The following ABLIM1 variants were observed in gnomAD, a reference collection of about 807,000 sequenced individuals.
The protein encoded by ABLIM1 is actin-binding LIM protein 1.
ABLIM1 carries 40 observed loss-of-function variants against 107.0 expected under a neutral mutation model. The ratio of observed to expected loss-of-function variants is 0.37; its 90% CI spans 0.29 to 0.49. The LOEUF is 0.49. ABLIM1 is among the 20% of genes least tolerant of loss of function. The probability of loss-of-function intolerance (pLI) is 0.97; values close to 1 mark genes in which losing one functional copy is unlikely to be tolerated. For synonymous variants in ABLIM1, 357 were observed against 357.3 expected (o/e 1.00, Z 0.01); for missense variants, 857 against 1,008.5 (o/e 0.85, Z 2.04).
At position 114,503,446 on chromosome 10, in the gene ABLIM1, C is replaced by T. The variant is rs186131300; in HGVS notation, c.895-11568G>A. Among the ~76,000 whole-genome samples the T allele has an allele frequency of 2.6e-4, 38 of 148,212 alleles. No homozygotes were observed. In the South Asian group the frequency reaches 3.9e-3, roughly 15 times the overall value. ...AGCCTGGAACAGAAAGAGATGTCTC[C>T]GAAAAAAAAGAAAAAAAATTGGTTT... On this transcript the variant is annotated intron_variant, in intron 6 of 22. Transcript: ENST00000533213.
chr10:114,551,631 C>G (rs2497724), intron 4 of ABLIM1, among the ~76,000 whole-genome samples: 1 of 152,130 alleles, frequency 6.6e-6, no homozygotes, highest in Non-Finnish European at 1.5e-5. Context: ...CCATGACCAA[C>G]CAGAGGCTGA....
At chr10:114,677,317 A>G (rs1032599217) in intron 1 of ABLIM1, among the ~76,000 whole-genome samples, 2 of 152,214 alleles carry the variant, frequency 1.3e-5, no homozygotes, top group Non-Finnish European at 2.9e-5. Context: ...GTGTATTATG[A>G]CATTGCTGTC....
chr10:114,505,055 G>A (rs899916127), intron 6 of ABLIM1, among the ~76,000 whole-genome samples: 2 of 152,178 alleles, frequency 1.3e-5, no homozygotes, highest in Non-Finnish European at 2.9e-5. Context: ...ACCCCAGAGG[G>A]AGAGACCCCA....
intron 10 of ABLIM1, 114 bp downstream of exon 10, chr10:114,472,863 C>G (rs2133978930): frequency 1.8e-6 from 2 of 1,105,300 alleles, no homozygotes; most frequent in Non-Finnish European, 1.2e-6. Flanking sequence ...TCTGCAAATA[C>G]TAGGCAGACA....
chr10:114,536,051 A>T (rs1186290050), intron 6 of ABLIM1, among the ~76,000 whole-genome samples: 1 of 151,518 alleles, frequency 6.6e-6, no homozygotes, highest in East Asian at 1.9e-4. Flanking sequence ...ACATTTCATT[A>T]CTCCAAAAAG....
chr10:114,505,923 T>C (rs1478662596), intron 6 of ABLIM1, among the ~76,000 whole-genome samples: 1 of 152,220 alleles, frequency 6.6e-6, no homozygotes, highest in Non-Finnish European at 1.5e-5. Context: ...CATAGGTAAA[T>C]TGCATGTTGC....
At position 114,432,232 on chromosome 10, in the gene ABLIM1, G is replaced by C. The variant is rs1305350501; in HGVS notation, c.*4028C>G. On this transcript the variant is annotated 3_prime_UTR_variant, in exon 23 of 23. Coordinates refer to ENST00000533213, the MANE Select transcript of ABLIM1 (RefSeq NM_002313.7). ...TCAAATAAAATTGAGGCTGGCATAG[G>C]AAGTACAGATTAAATACAGGTTAAA... 1 of 152,156 alleles carries C rather than the reference G, an allele frequency of 6.6e-6. No individual in the cohort carries two copies. The highest frequency in any genetic ancestry group is 1.9e-4 in the East Asian group (1 of 5,200). The allele number at this position is 152,156 out of a possible 1,614,324, so 9.4% of individuals were successfully genotyped here.
At chr10:114,463,298 G>T in intron 12 of ABLIM1, 1 of 983,928 alleles carries the variant, frequency 1.0e-6, no homozygotes, top group Non-Finnish European at 1.3e-6. Flanking sequence ...GGCTGAAAAG[G>T]GAGGAAGGAG....
At chr10:114,497,795 G>A (rs968582546) in intron 6 of ABLIM1, among the ~76,000 whole-genome samples, 14 of 151,570 alleles carry the variant, frequency 9.2e-5, no homozygotes, top group African/African-American at 3.4e-4. Flanking sequence ...ATGAACAACT[G>A]ACAATTTGCT....
Position 114,450,584 on chromosome 10 carries a change from C to T in ABLIM1, c.1594+1040G>A, listed in dbSNP as rs1002768184. ...CCATGTGGCTGAGATTACAGGTGTGCGCCACCACGCCCAGCTAACTTTTTT... is the reference window on the plus strand; with the variant it reads ...CCATGTGGCTGAGATTACAGGTGTGTGCCACCACGCCCAGCTAACTTTTTT... On this transcript the variant is annotated intron_variant, in intron 14 of 22. Coordinates refer to ENST00000533213, the MANE Select transcript of ABLIM1 (RefSeq NM_002313.7). Among the ~76,000 whole-genome samples the T allele has an allele frequency of 5.3e-5, 8 of 151,596 alleles. No homozygotes were observed. In the South Asian group the frequency reaches 6.3e-4, roughly 12 times the overall value.
At chr10:114,674,905 C>A (rs1323076772) in intron 1 of ABLIM1, among the ~76,000 whole-genome samples, 1 of 152,116 alleles carries the variant, frequency 6.6e-6, no homozygotes, top group East Asian at 1.9e-4. Context: ...GGATCTCAGG[C>A]AGTTTCTGCC....
chr10:114,658,426 A>G, upstream of ABLIM1: 1 of 650,854 alleles, frequency 1.5e-6, no homozygotes, highest in Non-Finnish European at 2.2e-6. Flanking sequence ...GGAACTCGAG[A>G]CTTTCAGTCT....
intron 1 of ABLIM1, among the ~76,000 whole-genome samples, chr10:114,616,551 T>A (rs1169619152): frequency 6.6e-6 from 1 of 152,250 alleles, no homozygotes; most frequent in Non-Finnish European, 1.5e-5. Context: ...AAGCCACTGA[T>A]GTGGTCCTGG....
At position 114,547,517 on chromosome 10, in the gene ABLIM1, A is replaced by T. The variant is rs2067508503; in HGVS notation, c.800+133T>A. 2.5e-6 allele frequency: 3 copies of T among 1,218,068 alleles called. No individual in the cohort carries two copies. In the Admixed American group the frequency reaches 7.9e-5, roughly 32 times the overall value. 75.5% of individuals were successfully genotyped at this position (1,218,068 alleles called of 1,614,324 possible). On this transcript the variant is annotated intron_variant, in intron 5 of 22. Coordinates refer to ENST00000533213, the MANE Select transcript of ABLIM1 (RefSeq NM_002313.7). The stretch of plus-strand genomic sequence containing the variant: ...TCTTTTCAAAAGTTTTATAGCAACA[A>T]GTTCATTATGATGGCAGGATGTGAA...
At chr10:114,541,504 G>A (rs561241243) in intron 6 of ABLIM1, among the ~76,000 whole-genome samples, 1 of 151,638 alleles carries the variant, frequency 6.6e-6, no homozygotes, top group African/African-American at 2.4e-5. Flanking sequence ...TGTGGAGACC[G>A]TCCTGCTTTG....
chr10:114,700,979 T>G (rs942318805), intron 1 of ABLIM1, among the ~76,000 whole-genome samples: 1 of 152,036 alleles, frequency 6.6e-6, no homozygotes, highest in Non-Finnish European at 1.5e-5. Context: ...AAGACACTAT[T>G]AAGAAAATAA....
intron 2 of ABLIM1, among the ~76,000 whole-genome samples, chr10:114,591,716 T>C (rs1217013504): frequency 6.6e-6 from 1 of 152,210 alleles, no homozygotes; most frequent in East Asian, 1.9e-4. Flanking sequence ...TAACTATCTA[T>C]AAATAGTACA....
the ABLIM1 span, among the ~76,000 whole-genome samples, chr10:114,787,582 G>A: frequency 6.8e-6 from 1 of 146,020 alleles, no homozygotes; most frequent in African/African-American, 2.5e-5. Context: ...AGGGAGGTGG[G>A]GGGTCAGCCC....
Position 114,758,737 on chromosome 10 carries a change from G to A in ABLIM1, c.-213+9324C>T, listed in dbSNP as rs1160996399. On this transcript the variant is annotated intron_variant, in intron 1 of 15. Transcript: ENST00000651092. ...TTTTTAAATGAATTCCCAATAAGTT[G>A]AGAAAGAAAAGTATCAGTAAAGACC... Among the ~76,000 whole-genome samples, 20 of 152,178 alleles carry A rather than the reference G, an allele frequency of 1.3e-4. No homozygotes were observed. The East Asian group carries it at 3.7e-3, about 28-fold the overall frequency.
Sources: allele counts gnomAD v4.1 joint callset (sites outside exome capture counted in the v4.1 genomes callset), GRCh38; gene constraint gnomAD v4.1.1; transcripts MANE v1.5; gene names NCBI Gene and HGNC (gene_info 2026-07-23, HGNC 2026-07-21).